PABPC4L: variants seen among roughly 807,000 people sequenced by gnomAD.
The protein encoded by PABPC4L is poly(A) binding protein cytoplasmic 4 like.
For synonymous variants in PABPC4L, 169 were observed against 164.1 expected, an observed-to-expected ratio of 1.03 and a Z score of -0.23; for missense variants, 452 against 451.4, an observed-to-expected ratio of 1.00 and a Z score of -0.01.
At chr4:134,152,470 TGTC>T in the PABPC4L span, among the ~76,000 whole-genome samples, 1 of 152,096 alleles carries the variant, frequency 6.6e-6, no homozygotes, top group Non-Finnish European at 1.5e-5. Flanking sequence ...TGGTGAGTAC[TGTC>T]TACAGTGGTT....
chr4:134,041,750 T>A, the PABPC4L span, among the ~76,000 whole-genome samples: 1 of 152,104 alleles, frequency 6.6e-6, no homozygotes, highest in Non-Finnish European at 1.5e-5. Context: ...GTCAGAATGT[T>A]CATTACTGAA....
At chr4:134,064,328 A>C in the PABPC4L span, among the ~76,000 whole-genome samples, 2 of 152,028 alleles carry the variant, frequency 1.3e-5, no homozygotes, top group African/African-American at 4.8e-5. Flanking sequence ...GTCTCAGGAC[A>C]CCTTATTATT....
the PABPC4L span, among the ~76,000 whole-genome samples, chr4:134,097,961 T>A: frequency 6.6e-6 from 1 of 151,810 alleles, no homozygotes; most frequent in Non-Finnish European, 1.5e-5. Context: ...TACTTCTTGT[T>A]TATCCTGATA....
chr4:133,992,128 C>T, the PABPC4L span, among the ~76,000 whole-genome samples: 1 of 152,112 alleles, frequency 6.6e-6, no homozygotes, highest in Non-Finnish European at 1.5e-5. Context: ...TGGCCCAAAT[C>T]ATAAGGGAAT....
chr4:134,033,070 C>T, the PABPC4L span, among the ~76,000 whole-genome samples: 2 of 149,650 alleles, frequency 1.3e-5, no homozygotes, highest in Admixed American at 6.7e-5. Context: ...ACCCTGCATC[C>T]AGCAAGTCTA....
At chr4:134,178,727 A>T in the PABPC4L span, among the ~76,000 whole-genome samples, 1 of 152,178 alleles carries the variant, frequency 6.6e-6, no homozygotes, top group Non-Finnish European at 1.5e-5. Context: ...GCTGAAAAAT[A>T]CACTAGAAAA....
chr4:134,134,060 A>G, the PABPC4L span, among the ~76,000 whole-genome samples: 2,354 of 152,204 alleles, frequency 0.015, 52 homozygotes, highest in African/African-American at 0.053. Flanking sequence ...TTGATAAATA[A>G]ATTTCAACAA....
At chr4:134,078,463 T>C in the PABPC4L span, among the ~76,000 whole-genome samples, 8 of 152,162 alleles carry the variant, frequency 5.3e-5, no homozygotes, top group Non-Finnish European at 7.4e-5. Flanking sequence ...TGCTTAGCAC[T>C]AAACAAAAAA....
chr4:134,009,567 G>T, the PABPC4L span, among the ~76,000 whole-genome samples: 2 of 151,866 alleles, frequency 1.3e-5, no homozygotes, highest in African/African-American at 4.8e-5. Context: ...GCAATTTCTA[G>T]CCTTTCACTT....
the PABPC4L span, among the ~76,000 whole-genome samples, chr4:134,118,629 C>T: frequency 6.6e-6 from 1 of 151,520 alleles, no homozygotes; most frequent in East Asian, 1.9e-4. Flanking sequence ...TCAATTTTCC[C>T]TTATTGCTGA....
the PABPC4L span, among the ~76,000 whole-genome samples, chr4:134,051,529 G>A: frequency 2.0e-5 from 3 of 152,066 alleles, no homozygotes; most frequent in Admixed American, 1.3e-4. Flanking sequence ...TTTAAAGAAC[G>A]GATGTAGTCA....
chr4:134,191,160 A>G, the PABPC4L span, among the ~76,000 whole-genome samples: 13 of 152,212 alleles, frequency 8.5e-5, no homozygotes, highest in African/African-American at 3.1e-4. Context: ...AAAATACTCC[A>G]CTTATACATA....
the PABPC4L span, among the ~76,000 whole-genome samples, chr4:134,146,256 G>A: frequency 6.6e-6 from 1 of 151,702 alleles, no homozygotes; most frequent in East Asian, 1.9e-4. Flanking sequence ...ACATTCTCAT[G>A]TCTAATGTCC....
chr4:134,198,589 C>A lies in PABPC4L; in HGVS notation c.*1318G>T, dbSNP rs905801551. The A allele has an allele frequency of 4.6e-5, 7 of 151,770 alleles. No individual in the cohort carries two copies. Among genetic ancestry groups the A allele is most frequent in the Admixed American group, 3.3e-4 (5 of 15,252 alleles). 9.4% of individuals were successfully genotyped at this position (151,770 alleles called of 1,614,324 possible). A position where few individuals can be genotyped will look rare whatever the true frequency, so the allele number is the denominator to read the frequency against. ...AAAACAGTAAAAACAAAAGCACTTG[C>A]TTGCTAGATACCTTTGGTATGAATC... On this transcript the variant is annotated 3_prime_UTR_variant, in exon 2 of 2. Transcript: ENST00000421491.
At chr4:133,962,589 C>G in the PABPC4L span, among the ~76,000 whole-genome samples, 1 of 152,070 alleles carries the variant, frequency 6.6e-6, no homozygotes, top group Admixed American at 6.5e-5. Flanking sequence ...CACCAGGTAA[C>G]CTATAAAGGA....
At chr4:133,990,830 C>T in the PABPC4L span, among the ~76,000 whole-genome samples, 4 of 152,072 alleles carry the variant, frequency 2.6e-5, no homozygotes, top group African/African-American at 9.7e-5. Context: ...CCTTTACATT[C>T]CCTTATTATC....
chr4:134,112,569 ACTATCTAT>A, the PABPC4L span, among the ~76,000 whole-genome samples: 22,315 of 147,810 alleles, frequency 0.15, 1,822 homozygotes, highest in Admixed American at 0.19. Context: ...GCTCCACGTA[ACTATCTAT>A]CTATCTATCT....
chr4:134,071,000 G>T, the PABPC4L span, among the ~76,000 whole-genome samples: 1 of 152,170 alleles, frequency 6.6e-6, no homozygotes, highest in African/African-American at 2.4e-5. Context: ...CACTGCAGAT[G>T]TTCCCATACC....
chr4:134,071,771 G>A, the PABPC4L span, among the ~76,000 whole-genome samples: 1 of 152,110 alleles, frequency 6.6e-6, no homozygotes, highest in Non-Finnish European at 1.5e-5. Flanking sequence ...TAGAGAACCA[G>A]GAAGTGAAAC....
Sources: gnomAD v4.1 joint callset for allele counts (sites outside exome capture counted in the v4.1 genomes callset) on GRCh38, gnomAD v4.1.1 for gene constraint, MANE v1.5 for transcripts, NCBI Gene and HGNC (gene_info 2026-07-23, HGNC 2026-07-21) for gene names.